Variants in GAS2 observed in about 807,000 individuals in gnomAD.
GAS2 encodes the protein growth arrest-specific protein 2.
GAS2 carries 20 observed loss-of-function variants against 37.5 expected under a neutral mutation model. That is an observed-to-expected ratio of 0.53 (90% confidence interval 0.37 to 0.77). GAS2 has a LOEUF of 0.77. GAS2 is among the 30% of genes least tolerant of loss of function. The pLI is 0.00. For missense variants in GAS2, 336 were observed against 373.4 expected, an observed-to-expected ratio of 0.90 and a Z score of 0.82; for synonymous variants, 144 against 132.2, an observed-to-expected ratio of 1.09 and a Z score of -0.61.
chr11:22,802,247 G>T (rs958500910), intron 7 of GAS2, among the ~76,000 whole-genome samples: 1 of 151,648 alleles, frequency 6.6e-6, no homozygotes, highest in African/African-American at 2.4e-5. Flanking sequence ...TCACAGGTGG[G>T]AATTGAACAA....
intron 7 of GAS2, among the ~76,000 whole-genome samples, chr11:22,770,663 C>A (rs1247951791): frequency 6.6e-6 from 1 of 152,174 alleles, no homozygotes; most frequent in Non-Finnish European, 1.5e-5. Flanking sequence ...ATAATTCTAA[C>A]ATACATATTT....
chr11:22,674,844 A>C lies in GAS2; in HGVS notation c.-20-6A>C. Reference sequence around the variant, plus strand: ...AAAAGCAATTGCTCTTTTGTTTCCAAAACAGGTATTACAAGTGGATAAATA... The same window carrying C: ...AAAAGCAATTGCTCTTTTGTTTCCACAACAGGTATTACAAGTGGATAAATA... On this transcript the variant is annotated splice_polypyrimidine_tract_variant and splice_region_variant and intron_variant, in intron 1 of 7. Coordinates refer to ENST00000454584, the MANE Select transcript of GAS2 (RefSeq NM_001143830.3). 4.5e-6 allele frequency: 7 copies of C among 1,552,792 alleles called. 1 individual carries two copies. The highest frequency in any genetic ancestry group is 5.2e-6 in the Non-Finnish European group (6 of 1,149,512).
At chr11:22,701,360 G>A (rs1227791390) in intron 3 of GAS2, among the ~76,000 whole-genome samples, 1 of 152,114 alleles carries the variant, frequency 6.6e-6, no homozygotes. Flanking sequence ...AAGAGATGAT[G>A]TTATTGGCTG....
intron 3 of GAS2, among the ~76,000 whole-genome samples, chr11:22,701,777 C>T (rs1333606282): frequency 5.3e-5 from 8 of 151,552 alleles, no homozygotes; most frequent in Non-Finnish European, 8.8e-5. Context: ...TGCAGTGAGC[C>T]GAGATCACAC....
intron 5 of GAS2, among the ~76,000 whole-genome samples, chr11:22,746,666 T>C (rs558480705): frequency 6.6e-6 from 1 of 152,034 alleles, no homozygotes; most frequent in African/African-American, 2.4e-5. Context: ...CTCATGGACA[T>C]AAAGATGGGA....
intron 7 of GAS2, among the ~76,000 whole-genome samples, chr11:22,794,574 T>C (rs933965024): frequency 6.6e-5 from 10 of 152,150 alleles, no homozygotes; most frequent in African/African-American, 2.2e-4. Context: ...TCAACATCAT[T>C]AGCCATGCCA....
rs61889402 is a variant in GAS2 at position 22,650,092 on chromosome 11, G to C, written c.-21+24279G>C. 4.6e-5 allele frequency among the ~76,000 whole-genome samples: 7 copies of C among 151,026 alleles called. No homozygotes were observed. In the South Asian group the frequency reaches 8.5e-4, roughly 18 times the overall value. ...TTCCCTCTACACACTGCTTTGAATG[G>C]GTCCCAGAGATTCTGGTATGTTGTG... is the stretch of plus-strand genomic sequence containing the variant. On this transcript the variant is annotated intron_variant, in intron 1 of 5. Transcript: ENST00000528582.
intron 3 of GAS2, among the ~76,000 whole-genome samples, chr11:22,688,972 T>C (rs1850103164): frequency 6.6e-6 from 1 of 152,066 alleles, no homozygotes; most frequent in Admixed American, 6.6e-5. Flanking sequence ...GAAACCAAAA[T>C]CATGTCCTTT....
At chr11:22,721,388 C>A (rs1049061029) in intron 3 of GAS2, among the ~76,000 whole-genome samples, 1 of 152,016 alleles carries the variant, frequency 6.6e-6, no homozygotes, top group African/African-American at 2.4e-5. Context: ...CTAGGACATA[C>A]TGCAGCATAT....
chr11:22,789,840 G>T (rs1010862334), intron 7 of GAS2, among the ~76,000 whole-genome samples: 52 of 151,904 alleles, frequency 3.4e-4, no homozygotes, highest in African/African-American at 1.3e-3. Context: ...AGAGATATAC[G>T]GATATATATT....
intron 2 of GAS2, among the ~76,000 whole-genome samples, chr11:22,677,230 GA>G (rs1343506266): frequency 2.0e-5 from 3 of 152,090 alleles, no homozygotes; most frequent in Non-Finnish European, 4.4e-5. Context: ...TTCTTTATGG[GA>G]ACGTATATTT....
chr11:22,639,664 T>G (rs1858885360), intron 1 of GAS2, among the ~76,000 whole-genome samples: 1 of 152,180 alleles, frequency 6.6e-6, no homozygotes, highest in African/African-American at 2.4e-5. Flanking sequence ...AACTGTTCCC[T>G]GATCAAACTA....
intron 4 of GAS2, among the ~76,000 whole-genome samples, chr11:22,727,525 G>A (rs1348836549): frequency 8.6e-5 from 13 of 151,934 alleles, no homozygotes; most frequent in African/African-American, 1.9e-4. Flanking sequence ...AGGAGTTGGC[G>A]TGATATGGCA....
chr11:22,758,068 T>A (rs1854147532), intron 7 of GAS2, among the ~76,000 whole-genome samples: 2 of 152,210 alleles, frequency 1.3e-5, no homozygotes, highest in Non-Finnish European at 2.9e-5. Context: ...GGGACTATAT[T>A]TAATTGATTG....
At chr11:22,774,515 A>G (rs948083065) in intron 7 of GAS2, among the ~76,000 whole-genome samples, 2 of 152,198 alleles carry the variant, frequency 1.3e-5, no homozygotes, top group African/African-American at 4.8e-5. Context: ...TAAACAAGGC[A>G]TTTTCTTAAA....
At chr11:22,674,024 C>A (rs1849311635) in intron 1 of GAS2, among the ~76,000 whole-genome samples, 1 of 152,118 alleles carries the variant, frequency 6.6e-6, no homozygotes. Flanking sequence ...ACACCTCTGG[C>A]AGCATTTGTT....
chr11:22,789,556 G>C (rs574231461), intron 7 of GAS2, among the ~76,000 whole-genome samples: 87 of 141,838 alleles, frequency 6.1e-4, no homozygotes, highest in African/African-American at 2.1e-3. Context: ...CCACCTACCG[G>C]GTTCACGCCA....
chr11:22,759,508 C>A lies in GAS2; in HGVS notation c.723+3555C>A, dbSNP rs1291137622. On this transcript the variant is annotated intron_variant, in intron 7 of 7. Coordinates refer to ENST00000454584, the MANE Select transcript of GAS2 (RefSeq NM_001143830.3). ...TTCTAGCTTATGAAAAATAATTTGT[C>A]AAAGCCAAATTTTTGCCTGGTACTT... Among the ~76,000 whole-genome samples, 4 of 152,128 alleles carry A rather than the reference C, an allele frequency of 2.6e-5. No individual in the cohort carries two copies. The East Asian group carries it at 7.7e-4, about 29-fold the overall frequency.
chr11:22,697,600 T>C (rs1850598126), intron 3 of GAS2, among the ~76,000 whole-genome samples: 1 of 152,192 alleles, frequency 6.6e-6, no homozygotes, highest in Admixed American at 6.5e-5. Context: ...TCCATTTGTT[T>C]GTATCCTCTT....
Sources: allele counts gnomAD v4.1 joint callset (sites outside exome capture counted in the v4.1 genomes callset), GRCh38; gene constraint gnomAD v4.1.1; transcripts MANE v1.5; gene names NCBI Gene and HGNC (gene_info 2026-07-23, HGNC 2026-07-21).